Variants in PPP1R9A observed in about 807,000 individuals in gnomAD.
PPP1R9A encodes neurabin-1.
PPP1R9A carries 59 observed loss-of-function variants against 141.9 expected under a neutral mutation model. The ratio of observed to expected loss-of-function variants is 0.42; its 90% CI spans 0.34 to 0.52. The LOEUF (loss-of-function observed/expected upper bound fraction) is 0.52. Ranked by LOEUF, PPP1R9A falls within the 20% of genes least tolerant of loss-of-function variation. The pLI is 0.10. For synonymous variants in PPP1R9A, 500 were observed against 569.7 expected (o/e 0.88, Z 1.74); for missense variants, 1,444 against 1,611.9 (o/e 0.90, Z 1.78).
chr7:95,259,235 G>A (rs1238268935), intron 12 of PPP1R9A, among the ~76,000 whole-genome samples: 1 of 151,370 alleles, frequency 6.6e-6, no homozygotes, highest in Non-Finnish European at 1.5e-5. Context: ...AACAGAGAGG[G>A]CTTCAAAAGT....
At position 94,910,496 on chromosome 7, in the gene PPP1R9A, A is replaced by C; in HGVS notation, c.383A>C (p.Asp128Ala). The C allele has an allele frequency of 3.7e-6, 6 of 1,614,192 alleles. No individual in the cohort carries two copies. Among genetic ancestry groups the C allele is most frequent in the Non-Finnish European group, 4.2e-6 (5 of 1,180,042 alleles). Residue 128 changes from aspartate to alanine, a missense_variant, in exon 2 of 20, where the codon GAC becomes GCC. Physicochemically the swap from Asp to Ala is moderately radical, Grantham distance 126. Around this residue, in one of 5 missense-constraint regions of PPP1R9A, gnomAD observed 490 missense variants for 521.1 expected, o/e 0.94. Transcript: ENST00000433360. This position sits in a 1 kb window ranked among gnomAD's most constrained non-coding sequence, Gnocchi z 4.5. ...SSVSERISRF[D>A]TMYDGPSYSK... ...GTTTCTGAACGAATTAGTAGATTTG[A>C]CACTATGTACGATGGCCCTTCATAT... is the stretch of plus-strand genomic sequence containing the variant.
intron 2 of PPP1R9A, among the ~76,000 whole-genome samples, chr7:94,965,186 T>C (rs1225805070): frequency 1.3e-5 from 2 of 152,084 alleles, no homozygotes; most frequent in Non-Finnish European, 2.9e-5. Context: ...TTCTTGTAAA[T>C]TTGTTTAAGT....
intron 16 of PPP1R9A, among the ~76,000 whole-genome samples, chr7:95,277,851 G>A (rs909551250): frequency 7.2e-5 from 11 of 152,196 alleles, no homozygotes; most frequent in Non-Finnish European, 1.3e-4. Context: ...CTGTATTCTG[G>A]AGTAAGTAGC....
intron 2 of PPP1R9A, among the ~76,000 whole-genome samples, chr7:95,094,002 C>T (rs1817685867): frequency 6.6e-6 from 1 of 152,196 alleles, no homozygotes; most frequent in African/African-American, 2.4e-5. Flanking sequence ...GACTCTGCCT[C>T]ACTCCAAAGC....
intron 16 of PPP1R9A, among the ~76,000 whole-genome samples, chr7:95,277,591 A>G (rs1278790980): frequency 6.6e-6 from 1 of 151,906 alleles, no homozygotes; most frequent in Non-Finnish European, 1.5e-5. Context: ...CACCATGTCC[A>G]GCTTAAAAAA....
At chr7:94,918,899 TGTG>T (rs1290621347) in intron 2 of PPP1R9A, among the ~76,000 whole-genome samples, 1 of 152,164 alleles carries the variant, frequency 6.6e-6, no homozygotes, top group Non-Finnish European at 1.5e-5. Context: ...AGTGGCATGA[TGTG>T]GGAGCAACAA....
chr7:95,147,729 C>T (rs1396319934), intron 4 of PPP1R9A, among the ~76,000 whole-genome samples: 1 of 152,072 alleles, frequency 6.6e-6, no homozygotes, highest in Non-Finnish European at 1.5e-5. Flanking sequence ...TTATCGAAGG[C>T]CTTTTCCACA....
chr7:95,047,906 A>T (rs758334324), intron 2 of PPP1R9A, among the ~76,000 whole-genome samples: 1 of 152,200 alleles, frequency 6.6e-6, no homozygotes, highest in Non-Finnish European at 1.5e-5. Context: ...AAGTATAAAA[A>T]CATGCTGGTT....
chr7:95,054,699 C>T (rs1159158657), intron 2 of PPP1R9A, among the ~76,000 whole-genome samples: 1 of 152,114 alleles, frequency 6.6e-6, no homozygotes, highest in Non-Finnish European at 1.5e-5. Flanking sequence ...TGACCTTTTT[C>T]TCTTTCTTGA....
At chr7:95,077,975 TG>T (rs1815121228) in intron 2 of PPP1R9A, among the ~76,000 whole-genome samples, 2 of 106,174 alleles carry the variant, frequency 1.9e-5, no homozygotes, top group African/African-American at 6.2e-5. Flanking sequence ...TCTTCTACTC[TG>T]TTTTTTTTTT....
intron 5 of PPP1R9A, among the ~76,000 whole-genome samples, chr7:95,197,125 A>G (rs1836402651): frequency 6.6e-6 from 1 of 152,192 alleles, no homozygotes; most frequent in Admixed American, 6.5e-5. Flanking sequence ...AAATTGTGGT[A>G]TATTTCATTT....
At chr7:94,919,252 C>T (rs1182241627) in intron 2 of PPP1R9A, among the ~76,000 whole-genome samples, 1 of 152,004 alleles carries the variant, frequency 6.6e-6, no homozygotes, top group Non-Finnish European at 1.5e-5. Flanking sequence ...GCCCCAGCCT[C>T]CCAAGTAGCT....
chr7:94,915,969 C>G (rs116214776), intron 2 of PPP1R9A, among the ~76,000 whole-genome samples: 2,103 of 152,310 alleles, frequency 0.014, 37 homozygotes, highest in African/African-American at 0.048. Flanking sequence ...TCAGTCCAGG[C>G]ATAATGGTGA....
intron 8 of PPP1R9A, among the ~76,000 whole-genome samples, chr7:95,244,168 A>G (rs970071120): frequency 2.6e-5 from 4 of 152,206 alleles, no homozygotes; most frequent in Admixed American, 6.5e-5. Context: ...GAATTTAGCT[A>G]TACTTAGTAA....
At position 95,225,963 on chromosome 7, in the gene PPP1R9A, A is replaced by G; in HGVS notation, c.1959A>G (p.Thr653=). 1 of 1,599,502 alleles carries G rather than the reference A, an allele frequency of 6.3e-7. No individual in the cohort carries two copies. The highest frequency in any genetic ancestry group is 1.1e-5 in the South Asian group (1 of 90,146). ...CNNNNNYFLK[T]GEYATDEEED... is the part of the protein sequence containing the mutation. ...TTCTGAAATCCCCTTCCTTTCAGACAGGAGAATATGCCACAGATGAAGAAG... is the reference window on the plus strand; with the variant it reads ...TTCTGAAATCCCCTTCCTTTCAGACGGGAGAATATGCCACAGATGAAGAAG... Residue 653 remains threonine (T), a splice_region_variant and synonymous_variant, in exon 8 of 20, where the codon ACA becomes ACG. Transcript: ENST00000433360.
At chr7:95,191,436 A>C (rs1026541388) in intron 5 of PPP1R9A, among the ~76,000 whole-genome samples, 2 of 152,186 alleles carry the variant, frequency 1.3e-5, no homozygotes, top group African/African-American at 4.8e-5. Flanking sequence ...TAGCATATCT[A>C]TGATCTCAAA....
intron 4 of PPP1R9A, among the ~76,000 whole-genome samples, chr7:95,144,457 A>G (rs1418961195): frequency 6.6e-6 from 1 of 152,134 alleles, no homozygotes; most frequent in East Asian, 1.9e-4. Context: ...TGCAATGAAC[A>G]TGGAAAATAC....
chr7:95,141,583 C>G (rs1317814489), intron 4 of PPP1R9A, among the ~76,000 whole-genome samples: 2 of 152,080 alleles, frequency 1.3e-5, no homozygotes, highest in South Asian at 2.1e-4. Flanking sequence ...ATACATTTGG[C>G]TCTCCTGGCC....
intron 14 of PPP1R9A, among the ~76,000 whole-genome samples, 170 bp from the exon 15 acceptor site, chr7:95,273,729 C>T (rs2178056): frequency 2.0e-5 from 3 of 151,642 alleles, no homozygotes; most frequent in East Asian, 3.9e-4. Flanking sequence ...TGCTTAACTG[C>T]GAGTTCCTCA....
Sources: allele counts gnomAD v4.1 joint callset (sites outside exome capture counted in the v4.1 genomes callset), GRCh38; gene constraint gnomAD v4.1.1; regional missense constraint gnomAD v4.1.1; non-coding constraint Gnocchi (gnomAD v3.1); transcripts MANE v1.5; gene names NCBI Gene and HGNC (gene_info 2026-07-23, HGNC 2026-07-21).